Variants in SMIM14 observed in about 807,000 individuals in gnomAD.
SMIM14 encodes small integral membrane protein 14, also known as chromosome 4 open reading frame 34.
A neutral mutation model predicts 12.6 loss-of-function variants in SMIM14; 5 were observed. The observed-to-expected ratio is 0.40, with a 90% confidence interval of 0.21 to 0.83. SMIM14 has a LOEUF of 0.83. Among genes scored for constraint, SMIM14 ranks in the 40% least tolerant of loss-of-function variants. The pLI, the probability that SMIM14 is intolerant of heterozygous loss-of-function variation, is 0.37. For synonymous variants in SMIM14, 30 were observed against 40.1 expected, an observed-to-expected ratio of 0.75 and a Z score of 0.95; for missense variants, 86 against 119.1, an observed-to-expected ratio of 0.72 and a Z score of 1.29.
intron 1 of SMIM14, among the ~76,000 whole-genome samples, chr4:39,636,767 T>G (rs533173486): frequency 1.3e-5 from 2 of 152,222 alleles, no homozygotes; most frequent in Non-Finnish European, 2.9e-5. Flanking sequence ...ATGGACTGTT[T>G]TTTTCCTATA....
intron 3 of SMIM14, among the ~76,000 whole-genome samples, chr4:39,568,866 C>G (rs1300070835): frequency 6.6e-6 from 1 of 152,148 alleles, no homozygotes; most frequent in Non-Finnish European, 1.5e-5. Context: ...TTACCAACTG[C>G]TAAAAGAACT....
intron 3 of SMIM14, among the ~76,000 whole-genome samples, chr4:39,566,459 G>T (rs1473108983): frequency 2.0e-5 from 3 of 152,058 alleles, no homozygotes; most frequent in Non-Finnish European, 4.4e-5. Context: ...TAATCCAGGG[G>T]CTAAGTCCTG....
chr4:39,604,500 A>G (rs1176487146), intron 2 of SMIM14, among the ~76,000 whole-genome samples: 1 of 151,980 alleles, frequency 6.6e-6, no homozygotes, highest in Non-Finnish European at 1.5e-5. Flanking sequence ...TAGCACCACT[A>G]CACTCCAGCC....
intron 3 of SMIM14, among the ~76,000 whole-genome samples, chr4:39,562,014 T>TATCTAACC (rs1452074980): frequency 6.6e-6 from 1 of 152,116 alleles, no homozygotes; most frequent in Non-Finnish European, 1.5e-5. Context: ...TTCCCTTAAC[T>TATCTAACC]ATCTCCTAGC....
At chr4:39,628,832 A>G (rs933299443) in intron 1 of SMIM14, among the ~76,000 whole-genome samples, 1 of 149,106 alleles carries the variant, frequency 6.7e-6, no homozygotes, top group Non-Finnish European at 1.5e-5. Flanking sequence ...TCCTGGGTCC[A>G]AGTGATTCTC....
Position 39,556,477 on chromosome 4 carries a change from G to A in SMIM14, c.218C>T (p.Pro73Leu). The A allele has an allele frequency of 6.2e-7, 1 of 1,613,760 alleles. No individual in the cohort carries two copies. The highest frequency in any genetic ancestry group is 8.5e-7 in the Non-Finnish European group (1 of 1,179,868). The change falls in exon 4 of 5, where the codon CCT becomes CTT. Residue 73 changes from proline to leucine, a missense_variant. Coordinates refer to ENST00000295958, the MANE Select transcript of SMIM14 (RefSeq NM_174921.3). ...IALILFLLRPPNLRGSSLPGK... is the reference protein window; with the variant it reads ...IALILFLLRPLNLRGSSLPGK... ...AGGTAGGCTGGATCCTCTTAGATTA[G>A]GAGGTCTCAGTAAGAACAAGATCAA...
intron 1 of SMIM14, among the ~76,000 whole-genome samples, chr4:39,627,319 C>T (rs1232482123): frequency 2.0e-5 from 3 of 152,150 alleles, no homozygotes; most frequent in Non-Finnish European, 2.9e-5. Context: ...CTTCTCTTTC[C>T]TTGGCGACCC....
intron 1 of SMIM14, among the ~76,000 whole-genome samples, chr4:39,636,173 CAAAAA>C (rs749292775): frequency 3.7e-4 from 28 of 76,344 alleles, no homozygotes; most frequent in Non-Finnish European, 5.9e-4. Flanking sequence ...CTCCATCTCC[CAAAAA>C]AAAAAAAAAA....
chr4:39,585,713 A>G (rs1713753116), intron 2 of SMIM14, among the ~76,000 whole-genome samples: 1 of 151,332 alleles, frequency 6.6e-6, no homozygotes, highest in African/African-American at 2.4e-5. Context: ...CGAAGTGGGA[A>G]AAAAAAAAGT....
intron 1 of SMIM14, among the ~76,000 whole-genome samples, chr4:39,609,110 AG>A (rs1240233955): frequency 6.6e-6 from 1 of 151,974 alleles, no homozygotes; most frequent in Non-Finnish European, 1.5e-5. Flanking sequence ...CAGACTAGCT[AG>A]GACTACAGGC....
At chr4:39,623,901 G>C (rs1715595903) in intron 1 of SMIM14, among the ~76,000 whole-genome samples, 1 of 151,966 alleles carries the variant, frequency 6.6e-6, no homozygotes, top group African/African-American at 2.4e-5. Flanking sequence ...AGAAGAAAAT[G>C]CACAGTAACA....
At chr4:39,632,902 A>G (rs1715965562) in intron 1 of SMIM14, among the ~76,000 whole-genome samples, 1 of 152,052 alleles carries the variant, frequency 6.6e-6, no homozygotes. Flanking sequence ...TAAATTAAAA[A>G]AATATTTTAA....
intron 4 of SMIM14, among the ~76,000 whole-genome samples, chr4:39,554,078 C>T (rs942342256): frequency 1.3e-5 from 2 of 152,128 alleles, no homozygotes; most frequent in South Asian, 2.1e-4. Flanking sequence ...TCTAACTGAA[C>T]TTCTGATATC....
intron 2 of SMIM14, among the ~76,000 whole-genome samples, chr4:39,590,151 C>A (rs1560295521): frequency 6.6e-6 from 1 of 151,850 alleles, no homozygotes; most frequent in Non-Finnish European, 1.5e-5. Context: ...CGGTGGCTCA[C>A]ACCTGTAATC....
At chr4:39,612,966 G>T (rs758199659) in intron 1 of SMIM14, among the ~76,000 whole-genome samples, 2 of 152,192 alleles carry the variant, frequency 1.3e-5, no homozygotes, top group Non-Finnish European at 2.9e-5. Flanking sequence ...TCTGAACACA[G>T]AAATTTAAGA....
chr4:39,566,952 T>A (rs1436141621), intron 3 of SMIM14, among the ~76,000 whole-genome samples: 1 of 150,916 alleles, frequency 6.6e-6, no homozygotes, highest in Non-Finnish European at 1.5e-5. Flanking sequence ...GGTGACAGTG[T>A]GAGACTCCAT....
chr4:39,633,586 G>A (rs964567397), intron 1 of SMIM14, among the ~76,000 whole-genome samples: 1 of 152,028 alleles, frequency 6.6e-6, no homozygotes, highest in South Asian at 2.1e-4. Flanking sequence ...ACCTGAGCCT[G>A]TCTCTACAGA....
chr4:39,618,587 T>C (rs1250060182), intron 1 of SMIM14, among the ~76,000 whole-genome samples: 2 of 147,896 alleles, frequency 1.4e-5, no homozygotes, highest in African/African-American at 5.0e-5. Flanking sequence ...GAGGCAGAGG[T>C]TGCAGTGAAT....
intron 1 of SMIM14, among the ~76,000 whole-genome samples, chr4:39,633,350 C>T (rs534797721): frequency 0.01 from 1,565 of 152,196 alleles, 24 homozygotes; most frequent in African/African-American, 0.035. Flanking sequence ...AGACTGGCTG[C>T]TGTAATTATT....
Sources: allele counts gnomAD v4.1 joint callset (sites outside exome capture counted in the v4.1 genomes callset), GRCh38; gene constraint gnomAD v4.1.1; transcripts MANE v1.5; gene names NCBI Gene and HGNC (gene_info 2026-07-23, HGNC 2026-07-21).